The following NEGR1 variants were observed in gnomAD, a reference collection of about 807,000 sequenced individuals.
NEGR1 encodes the protein IgLON family member 4.
NEGR1 carries 10 observed loss-of-function variants against 40.9 expected under a neutral mutation model. The observed-to-expected ratio is 0.24, with a 90% CI of 0.15 to 0.42. The LOEUF (loss-of-function observed/expected upper bound fraction) is 0.42, where lower values mean the gene tolerates loss of function less well. Among genes scored for constraint, NEGR1 ranks in the 10% least tolerant of loss-of-function variants. The pLI is 1.00. For synonymous variants in NEGR1, 185 were observed against 166.8 expected (o/e 1.11, Z -0.84); for missense variants, 352 against 438.9 (o/e 0.80, Z 1.77).
chr1:71,496,462 T>C (rs1389205413), intron 6 of NEGR1, among the ~76,000 whole-genome samples: 1 of 152,168 alleles, frequency 6.6e-6, no homozygotes, highest in African/African-American at 2.4e-5. Context: ...AAGGTATTCG[T>C]TGGCCAGAAG....
intron 6 of NEGR1, among the ~76,000 whole-genome samples, chr1:71,433,824 G>T (rs1446612926): frequency 6.6e-6 from 1 of 152,114 alleles, no homozygotes; most frequent in Non-Finnish European, 1.5e-5. Context: ...TTCTCTATAA[G>T]CTTCAAAGTT....
intron 1 of NEGR1, among the ~76,000 whole-genome samples, chr1:72,144,988 T>C (rs1487489239): frequency 6.6e-6 from 1 of 152,096 alleles, no homozygotes; most frequent in Non-Finnish European, 1.5e-5. Context: ...ACCTATGTAC[T>C]TGCAACAGAA....
At chr1:71,752,325 T>A (rs1655597846) in intron 3 of NEGR1, among the ~76,000 whole-genome samples, 1 of 152,150 alleles carries the variant, frequency 6.6e-6, no homozygotes, top group Non-Finnish European at 1.5e-5. Flanking sequence ...AGATAATACA[T>A]AAACAAATGG....
At chr1:71,528,890 T>C (rs1647279101) in intron 6 of NEGR1, among the ~76,000 whole-genome samples, 1 of 151,336 alleles carries the variant, frequency 6.6e-6, no homozygotes, top group Non-Finnish European at 1.5e-5. Flanking sequence ...AAATACAATG[T>C]GCTTAATGAT....
At chr1:71,899,845 C>A (rs1333850061) in intron 2 of NEGR1, among the ~76,000 whole-genome samples, 1 of 152,126 alleles carries the variant, frequency 6.6e-6, no homozygotes, top group South Asian at 2.1e-4. Flanking sequence ...GTTTTCTTCA[C>A]CAAGTGTCCA....
At chr1:71,974,557 T>C (rs1277954754) in intron 1 of NEGR1, among the ~76,000 whole-genome samples, 2 of 152,088 alleles carry the variant, frequency 1.3e-5, no homozygotes, top group Non-Finnish European at 2.9e-5. Flanking sequence ...ACTAATGAAA[T>C]AGTCATTAAA....
At chr1:71,488,981 T>C (rs1646906348) in intron 6 of NEGR1, among the ~76,000 whole-genome samples, 1 of 151,872 alleles carries the variant, frequency 6.6e-6, no homozygotes, top group Non-Finnish European at 1.5e-5. Context: ...TTTGACCTTT[T>C]AAGTCTGTTC....
At chr1:71,776,415 C>T (rs1188041817) in intron 2 of NEGR1, 118 bp from the exon 3 acceptor site, 2 of 457,222 alleles carry the variant, frequency 4.4e-6, no homozygotes, top group South Asian at 6.8e-5. Context: ...TATATATGGC[C>T]TATGGGCCTC....
At chr1:71,763,650 C>A (rs545389455) in intron 3 of NEGR1, among the ~76,000 whole-genome samples, 59 of 152,066 alleles carry the variant, frequency 3.9e-4, no homozygotes, top group African/African-American at 1.2e-3. Flanking sequence ...GTTAGTTGAA[C>A]CATGTTGGCT....
chr1:71,986,468 A>T (rs1022564082), intron 1 of NEGR1, among the ~76,000 whole-genome samples: 2 of 152,102 alleles, frequency 1.3e-5, no homozygotes, highest in African/African-American at 4.8e-5. Flanking sequence ...GCTTCTTCCC[A>T]ACCCCTTCTA....
intron 1 of NEGR1, among the ~76,000 whole-genome samples, chr1:72,022,445 A>T (rs2100422751): frequency 7.2e-6 from 1 of 139,342 alleles, no homozygotes; most frequent in South Asian, 2.2e-4. Context: ...CAGAAAATAC[A>T]TCCAATAAAA....
At chr1:71,902,148 A>G (rs959631303) in intron 2 of NEGR1, among the ~76,000 whole-genome samples, 3 of 152,220 alleles carry the variant, frequency 2.0e-5, no homozygotes, top group Admixed American at 6.5e-5. Context: ...TTAGAAATTG[A>G]AAGAGGTAGG....
intron 1 of NEGR1, among the ~76,000 whole-genome samples, chr1:72,173,838 G>A (rs1185235300): frequency 2.6e-5 from 4 of 152,074 alleles, no homozygotes; most frequent in African/African-American, 9.7e-5. Context: ...AGCTACTCAG[G>A]AGGTTGAGGC....
chr1:71,716,798 C>A (rs546810236), intron 3 of NEGR1, among the ~76,000 whole-genome samples: 48 of 152,068 alleles, frequency 3.2e-4, no homozygotes, highest in Admixed American at 9.8e-4. Flanking sequence ...ACATTCTATC[C>A]CATTTAGTGG....
chr1:71,633,842 T>A (rs1182502943), intron 4 of NEGR1, among the ~76,000 whole-genome samples: 1 of 152,040 alleles, frequency 6.6e-6, no homozygotes, highest in Non-Finnish European at 1.5e-5. Flanking sequence ...ACGCAGCCCA[T>A]GTGGAGTTAT....
intron 3 of NEGR1, among the ~76,000 whole-genome samples, chr1:71,740,051 T>C (rs1655167502): frequency 6.6e-6 from 1 of 152,210 alleles, no homozygotes; most frequent in Non-Finnish European, 1.5e-5. Flanking sequence ...GATACCAACT[T>C]AAATGTGTTC....
Position 72,096,398 on chromosome 1 carries a change from T to C in NEGR1, c.177-161087A>G, listed in dbSNP as rs1283001389. On this transcript the variant is annotated intron_variant, in intron 1 of 6. Coordinates refer to ENST00000357731, the MANE Select transcript of NEGR1 (RefSeq NM_173808.3). ...AACTAATAGGATAATTCAGTGAAAT[T>C]TGGTGTGATCTTCTGAAGTTAACTG... 7.9e-5 allele frequency among the ~76,000 whole-genome samples: 12 copies of C among 152,198 alleles called. No homozygotes were observed. In the East Asian group the frequency reaches 1.7e-3, roughly 22 times the overall value.
intron 1 of NEGR1, among the ~76,000 whole-genome samples, chr1:71,973,354 A>C: frequency 6.6e-6 from 1 of 151,818 alleles, no homozygotes; most frequent in East Asian, 1.9e-4. Context: ...GAATCTTCTG[A>C]AGAGCCTAGG....
intron 4 of NEGR1, among the ~76,000 whole-genome samples, chr1:71,650,351 G>A (rs1459772940): frequency 6.6e-6 from 1 of 152,134 alleles, no homozygotes; most frequent in Non-Finnish European, 1.5e-5. Flanking sequence ...TACAGATGGG[G>A]AAATCAGATC....
Sources: gnomAD v4.1 joint callset for allele counts (sites outside exome capture counted in the v4.1 genomes callset) on GRCh38, gnomAD v4.1.1 for gene constraint, MANE v1.5 for transcripts, NCBI Gene and HGNC (gene_info 2026-07-23, HGNC 2026-07-21) for gene names.